Variants in GPC6 observed in about 807,000 individuals in gnomAD.
GPC6 encodes the protein glypican 6, also known as glypican-6.
Under a neutral mutation model 55.2 loss-of-function variants are expected in GPC6, and 14 were observed. The ratio of observed to expected loss-of-function variants is 0.25; its 90% CI spans 0.17 to 0.40. The LOEUF (loss-of-function observed/expected upper bound fraction) is 0.40, where lower values mean the gene tolerates loss of function less well. GPC6 is among the 10% of genes least tolerant of loss of function. GPC6 has a pLI of 1.00. For synonymous variants in GPC6, 278 were observed against 259.6 expected (o/e 1.07, Z -0.68); for missense variants, 641 against 708.5 (o/e 0.90, Z 1.08).
chr13:94,343,425 C>A (rs546172312), intron 6 of GPC6, among the ~76,000 whole-genome samples: 1 of 152,102 alleles, frequency 6.6e-6, no homozygotes. Context: ...TGAATCAGCA[C>A]GAGGTTGTTT....
At chr13:94,368,147 C>CAA (rs5805859) in intron 6 of GPC6, among the ~76,000 whole-genome samples, 109 of 85,642 alleles carry the variant, frequency 1.3e-3, no homozygotes, top group South Asian at 0.011. Flanking sequence ...GACTCTGTCT[C>CAA]AAAAAAAAAA....
intron 3 of GPC6, among the ~76,000 whole-genome samples, chr13:93,909,753 T>G (rs1267772968): frequency 6.6e-6 from 1 of 152,170 alleles, no homozygotes; most frequent in East Asian, 1.9e-4. Flanking sequence ...TTCTTAACCT[T>G]TATTTGAGAA....
intron 3 of GPC6, among the ~76,000 whole-genome samples, chr13:93,891,530 G>A (rs944092694): frequency 2.0e-5 from 3 of 152,030 alleles, no homozygotes; most frequent in African/African-American, 7.2e-5. Flanking sequence ...AGCTGTTTGA[G>A]GCAATACATT....
rs57333414 is a variant in GPC6 at position 94,335,901 on chromosome 13, ATTTTT to A, written c.1152+29791_1152+29795del. 0.011 allele frequency among the ~76,000 whole-genome samples: 1,563 copies of A among 147,046 alleles called. 69 individuals carry two copies. In the East Asian group the frequency reaches 0.18, roughly 17 times the overall value. ...CCCTGCTCTCTTCACTGTTGTTGTG[ATTTTT>A]TTTTTTTTTTTTCCTTCTTGTTTGG... On this transcript the variant is annotated intron_variant, in intron 6 of 8. Transcript: ENST00000377047.
At chr13:93,907,066 T>G (rs1175432805) in intron 3 of GPC6, among the ~76,000 whole-genome samples, 1 of 152,166 alleles carries the variant, frequency 6.6e-6, no homozygotes. Flanking sequence ...AGAAACTTAG[T>G]AAAAAGAAAT....
At chr13:94,086,318 C>G (rs1031025683) in intron 4 of GPC6, among the ~76,000 whole-genome samples, 2 of 152,048 alleles carry the variant, frequency 1.3e-5, no homozygotes, top group Admixed American at 1.3e-4. Context: ...GAAATGGGTT[C>G]ACCTTCCCCG....
chr13:94,047,698 A>G (rs1883779818), intron 4 of GPC6, among the ~76,000 whole-genome samples: 1 of 152,162 alleles, frequency 6.6e-6, no homozygotes, highest in Non-Finnish European at 1.5e-5. Context: ...GGTCTTTGCC[A>G]AACAGATTTA....
intron 4 of GPC6, among the ~76,000 whole-genome samples, chr13:94,158,668 CAG>C (rs1010020668): frequency 1.4e-4 from 22 of 152,116 alleles, no homozygotes; most frequent in Admixed American, 1.4e-3. Context: ...AAAAATAAGA[CAG>C]AGGGAGTGAA....
intron 4 of GPC6, among the ~76,000 whole-genome samples, chr13:94,149,243 G>A (rs1215699268): frequency 2.6e-5 from 4 of 152,078 alleles, no homozygotes; most frequent in African/African-American, 9.7e-5. Context: ...AATGAACAAA[G>A]AGAGCCCCGA....
At chr13:93,339,690 A>G (rs1880172808) in intron 1 of GPC6, among the ~76,000 whole-genome samples, 1 of 152,206 alleles carries the variant, frequency 6.6e-6, no homozygotes, top group Non-Finnish European at 1.5e-5. Context: ...TTGTACACTC[A>G]TGCTTGTTTG....
At chr13:93,394,849 A>G (rs1441763431) in intron 1 of GPC6, 1 of 152,176 alleles carries the variant, frequency 6.6e-6, no homozygotes, top group Non-Finnish European at 1.5e-5. Context: ...CAGTGTCATG[A>G]TCAGACTAAT....
rs537222000 is a variant in GPC6, at chr13:93,791,756, A to G, written c.320-38398A>G. 1.7e-4 allele frequency among the ~76,000 whole-genome samples: 26 copies of G among 152,320 alleles called. No individual in the cohort carries two copies. The South Asian group carries it at 5.2e-3, about 30-fold the overall frequency. Reference sequence around the variant, plus strand: ...CAGCTTTAGCTTCCAGAGTGTTTGGAAGACTATTCCTGGGGCATTACGTTT... The same window carrying G: ...CAGCTTTAGCTTCCAGAGTGTTTGGGAGACTATTCCTGGGGCATTACGTTT... On this transcript the variant is annotated intron_variant, in intron 2 of 8. Coordinates refer to ENST00000377047, the MANE Select transcript of GPC6 (RefSeq NM_005708.5).
At chr13:93,883,700 A>G (rs1875141547) in intron 3 of GPC6, among the ~76,000 whole-genome samples, 1 of 151,682 alleles carries the variant, frequency 6.6e-6, no homozygotes, top group Non-Finnish European at 1.5e-5. Flanking sequence ...CCTTCATGTC[A>G]TTTTGTCCCT....
intron 3 of GPC6, among the ~76,000 whole-genome samples, chr13:93,911,846 T>C (rs1233327928): frequency 6.6e-6 from 1 of 152,230 alleles, no homozygotes; most frequent in African/African-American, 2.4e-5. Context: ...AGAAGCGATA[T>C]AAGTGGTTAC....
chr13:93,821,040 G>A (rs1009772636), intron 2 of GPC6, among the ~76,000 whole-genome samples: 1 of 152,140 alleles, frequency 6.6e-6, no homozygotes, highest in East Asian at 1.9e-4. Context: ...GGCATGATAT[G>A]TTTTGTTGAA....
chr13:94,280,362 G>C (rs765914131), intron 4 of GPC6, among the ~76,000 whole-genome samples: 8 of 152,104 alleles, frequency 5.3e-5, no homozygotes, highest in Non-Finnish European at 1.0e-4. Context: ...CTCTTTCCGG[G>C]TCATTCAGAT....
intron 3 of GPC6, among the ~76,000 whole-genome samples, chr13:93,896,030 T>C (rs759234937): frequency 1.3e-5 from 2 of 152,070 alleles, no homozygotes; most frequent in Non-Finnish European, 2.9e-5. Flanking sequence ...TAAAAATAAC[T>C]ACAGGCATAG....
At chr13:94,119,813 A>G (rs571126422) in intron 4 of GPC6, among the ~76,000 whole-genome samples, 55 of 152,044 alleles carry the variant, frequency 3.6e-4, no homozygotes, top group African/African-American at 1.3e-3. Context: ...AGGGGAAGAG[A>G]TTTGACTTTG....
intron 2 of GPC6, among the ~76,000 whole-genome samples, chr13:93,635,140 CTTT>C (rs879721283): frequency 4.8e-5 from 7 of 145,582 alleles, no homozygotes; most frequent in African/African-American, 1.7e-4. Context: ...CATAATACAG[CTTT>C]TTTTTTTTTA....
Sources: allele counts gnomAD v4.1 joint callset (sites outside exome capture counted in the v4.1 genomes callset), GRCh38; gene constraint gnomAD v4.1.1; transcripts MANE v1.5; gene names NCBI Gene and HGNC (gene_info 2026-07-23, HGNC 2026-07-21).